ROBO1: variants seen among roughly 807,000 people sequenced by gnomAD.
ROBO1 encodes the protein roundabout homolog 1.
In ROBO1, 149 loss-of-function variants were observed where a neutral mutation model predicts 195.9. The ratio of observed to expected loss-of-function variants is 0.76; its 90% CI spans 0.67 to 0.87. The LOEUF is 0.87. Among genes scored for constraint, ROBO1 ranks in the 40% least tolerant of loss-of-function variants. ROBO1 has a pLI of 0.00. For missense variants in ROBO1, 1,933 were observed against 2,068.3 expected (o/e 0.93, Z 1.27); for synonymous variants, 816 against 733.2 (o/e 1.11, Z -1.82).
At chr3:79,012,428 C>T in intron 3 of ROBO1, among the ~76,000 whole-genome samples, 1 of 152,168 alleles carries the variant, frequency 6.6e-6, no homozygotes. Context: ...TCTTGTGACC[C>T]TAGAACATTT....
intron 2 of ROBO1, among the ~76,000 whole-genome samples, chr3:79,355,229 T>TA (rs934613127): frequency 8.6e-5 from 13 of 152,022 alleles, no homozygotes; most frequent in African/African-American, 2.4e-4. Flanking sequence ...TTGCTTTATT[T>TA]AAAAAAATAC....
At chr3:79,602,909 A>G (rs1053964594) in intron 1 of ROBO1, among the ~76,000 whole-genome samples, 3 of 151,892 alleles carry the variant, frequency 2.0e-5, no homozygotes, top group Non-Finnish European at 4.4e-5. Context: ...GAATATTAAT[A>G]TTTTTGCATG....
chr3:78,770,034 T>G (rs1212161851), intron 4 of ROBO1, among the ~76,000 whole-genome samples: 2 of 152,198 alleles, frequency 1.3e-5, no homozygotes, highest in Non-Finnish European at 2.9e-5. Context: ...TAACTTTGGA[T>G]AACCTGATGA....
intron 4 of ROBO1, among the ~76,000 whole-genome samples, chr3:78,912,697 C>T (rs2038319720): frequency 6.6e-6 from 1 of 152,128 alleles, no homozygotes; most frequent in South Asian, 2.1e-4. Context: ...AAATAGAAAA[C>T]TGTGAGTTTA....
At chr3:79,491,101 T>C (rs1341780028) in intron 2 of ROBO1, among the ~76,000 whole-genome samples, 1 of 152,124 alleles carries the variant, frequency 6.6e-6, no homozygotes, top group Non-Finnish European at 1.5e-5. Context: ...AGCCTTTTGT[T>C]AAAGGGCTTC....
intron 1 of ROBO1, among the ~76,000 whole-genome samples, chr3:79,682,277 A>C (rs1946972327): frequency 6.6e-6 from 1 of 151,990 alleles, no homozygotes; most frequent in Non-Finnish European, 1.5e-5. Flanking sequence ...ATACTTTCTG[A>C]AAATCAAAAA....
chr3:79,602,899 G>A (rs1944378894), intron 1 of ROBO1, among the ~76,000 whole-genome samples: 1 of 151,916 alleles, frequency 6.6e-6, no homozygotes, highest in Non-Finnish European at 1.5e-5. Flanking sequence ...GAAAAAAGCA[G>A]AATATTAATA....
chr3:79,729,412 A>G (rs1442928717), intron 1 of ROBO1, among the ~76,000 whole-genome samples: 1 of 152,164 alleles, frequency 6.6e-6, no homozygotes, highest in Admixed American at 6.5e-5. Context: ...AAATTTCCAT[A>G]TGAAGTAAAA....
Position 78,614,659 on chromosome 3 carries a change from G to A in ROBO1, c.4424C>T (p.Thr1475Ile). 6.2e-7 allele frequency: 1 copy of A among 1,613,664 alleles called. No homozygotes were observed. ...KHQPGHLRRE[T>I]YTDDLPPPPV... ...GTCAATGGACTCACCATCTGTGTAG[G>A]TTTCTCTGCGCAGATGTCCTGGCTG... The change falls in exon 28 of 31, where the codon ACC becomes ATC. Residue 1475 changes from threonine (T) to isoleucine (I), a missense_variant. Thr to Ile is a moderately conservative substitution (Grantham distance 89). Coordinates refer to ENST00000464233, the MANE Select transcript of ROBO1 (RefSeq NM_002941.4).
intron 3 of ROBO1, among the ~76,000 whole-genome samples, chr3:79,035,539 G>T (rs944567753): frequency 6.6e-6 from 1 of 152,138 alleles, no homozygotes; most frequent in Admixed American, 6.5e-5. Context: ...GAGCAACATA[G>T]TGAGACCTCA....
chr3:79,232,749 C>A (rs567308500), intron 2 of ROBO1, among the ~76,000 whole-genome samples: 1 of 152,152 alleles, frequency 6.6e-6, no homozygotes, highest in African/African-American at 2.4e-5. Flanking sequence ...TGATACAGAG[C>A]CAATGCATCA....
At chr3:79,305,825 G>A in intron 2 of ROBO1, among the ~76,000 whole-genome samples, 1 of 152,134 alleles carries the variant, frequency 6.6e-6, no homozygotes, top group Admixed American at 6.5e-5. Context: ...CTTGTGGAAA[G>A]AACATTGTTC....
At chr3:79,416,211 G>GT (rs1401875856) in intron 2 of ROBO1, among the ~76,000 whole-genome samples, 1 of 152,036 alleles carries the variant, frequency 6.6e-6, no homozygotes, top group Non-Finnish European at 1.5e-5. Context: ...AGTAAGAGTT[G>GT]TTAACTAGAA....
intron 2 of ROBO1, among the ~76,000 whole-genome samples, chr3:79,327,853 A>G (rs966043152): frequency 2.6e-4 from 39 of 152,166 alleles, no homozygotes; most frequent in Non-Finnish European, 5.9e-5. Flanking sequence ...GCTTGTCAAC[A>G]ATGCAATAAT....
chr3:79,366,704 G>A (rs2035991627), intron 2 of ROBO1, among the ~76,000 whole-genome samples: 1 of 152,148 alleles, frequency 6.6e-6, no homozygotes, highest in Admixed American at 6.6e-5. Context: ...ACACATGAAC[G>A]AGAGTTCCAG....
intron 3 of ROBO1, among the ~76,000 whole-genome samples, chr3:78,964,840 T>C (rs1420458636): frequency 6.6e-6 from 1 of 151,606 alleles, no homozygotes; most frequent in Non-Finnish European, 1.5e-5. Flanking sequence ...TGTGTTTCAT[T>C]TGAAACCTTT....
At chr3:79,230,105 C>T (rs2082293856) in intron 2 of ROBO1, among the ~76,000 whole-genome samples, 2 of 151,958 alleles carry the variant, frequency 1.3e-5, no homozygotes, top group South Asian at 4.1e-4. Context: ...GTTCATTTTC[C>T]CACTCCCCTC....
chr3:79,007,267 T>TA (rs2077647374), intron 3 of ROBO1, among the ~76,000 whole-genome samples: 1 of 152,144 alleles, frequency 6.6e-6, no homozygotes, highest in African/African-American at 2.4e-5. Context: ...GGTCAGGAAT[T>TA]AGAGTTAGGT....
chr3:78,989,823 A>C (rs1218789709), intron 3 of ROBO1, among the ~76,000 whole-genome samples: 1 of 152,106 alleles, frequency 6.6e-6, no homozygotes, highest in Non-Finnish European at 1.5e-5. Context: ...CATTGAAAAA[A>C]GATACTTCCA....
Sources: allele counts gnomAD v4.1 joint callset (sites outside exome capture counted in the v4.1 genomes callset), GRCh38; gene constraint gnomAD v4.1.1; transcripts MANE v1.5; gene names NCBI Gene and HGNC (gene_info 2026-07-23, HGNC 2026-07-21).